The following ATRNL1 variants were observed in gnomAD, a reference collection of about 807,000 sequenced individuals.
The protein encoded by ATRNL1 is attractin like 1, also known as attractin-like protein 1.
ATRNL1 carries 95 observed loss-of-function variants against 182.7 expected under a neutral mutation model. That is an observed-to-expected ratio of 0.52 (90% confidence interval 0.44 to 0.62). The LOEUF (loss-of-function observed/expected upper bound fraction) is 0.62, where lower values mean the gene tolerates loss of function less well. Ranked by LOEUF, ATRNL1 falls within the 20% of genes least tolerant of loss-of-function variation. The pLI is 0.00. For missense variants in ATRNL1, 1,471 were observed against 1,679.5 expected (o/e 0.88, Z 2.17); for synonymous variants, 576 against 568.3 (o/e 1.01, Z -0.19).
At chr10:115,319,385 T>G (rs782041109) in intron 18 of ATRNL1, among the ~76,000 whole-genome samples, 2 of 152,246 alleles carry the variant, frequency 1.3e-5, no homozygotes, top group Non-Finnish European at 2.9e-5. Context: ...TGGAGAGTTT[T>G]GTAGAAGTCT....
chr10:115,669,093 T>G (rs2133923419), intron 26 of ATRNL1, among the ~76,000 whole-genome samples: 1 of 152,270 alleles, frequency 6.6e-6, no homozygotes. Context: ...CACATTGTTT[T>G]CTTTTATAAT....
At chr10:115,357,245 C>T (rs1179169324) in intron 19 of ATRNL1, among the ~76,000 whole-genome samples, 1 of 151,858 alleles carries the variant, frequency 6.6e-6, no homozygotes, top group Non-Finnish European at 1.5e-5. Flanking sequence ...CATAGTTCTA[C>T]TTATATTCTA....
intron 6 of ATRNL1, among the ~76,000 whole-genome samples, chr10:115,160,655 A>G (rs920493723): frequency 2.6e-5 from 4 of 151,934 alleles, no homozygotes; most frequent in Non-Finnish European, 5.9e-5. Context: ...CAGTTCTAGT[A>G]TTATGAGAGA....
intron 28 of ATRNL1, chr10:115,909,308 G>A: frequency 6.6e-6 from 1 of 152,106 alleles, no homozygotes; most frequent in East Asian, 1.9e-4. Context: ...TTTCTTTATA[G>A]ATTAAATGCA....
At chr10:115,807,341 C>A (rs1001198679) in intron 27 of ATRNL1, among the ~76,000 whole-genome samples, 4 of 152,152 alleles carry the variant, frequency 2.6e-5, no homozygotes, top group African/African-American at 7.2e-5. Flanking sequence ...TTCTCAAACT[C>A]CTGGCCTCAA....
chr10:115,934,694 G>A (rs1953503756), intron 28 of ATRNL1, among the ~76,000 whole-genome samples: 1 of 151,984 alleles, frequency 6.6e-6, no homozygotes, highest in Admixed American at 6.5e-5. Flanking sequence ...ACTCCAGTCT[G>A]TCCTCCATGC....
intron 28 of ATRNL1, among the ~76,000 whole-genome samples, chr10:115,858,849 A>G (rs1404825361): frequency 6.6e-6 from 1 of 152,084 alleles, no homozygotes; most frequent in African/African-American, 2.4e-5. Context: ...GTTTGGGAGA[A>G]TTTAACAGAA....
Position 115,429,623 on chromosome 10 carries a change from AC to A in ATRNL1, c.3322+3323del, listed in dbSNP as rs1346981090. 1.6e-4 allele frequency among the ~76,000 whole-genome samples: 24 copies of A among 152,190 alleles called. 1 individual carries two copies. Among genetic ancestry groups the A allele is most frequent in the Non-Finnish European group, 3.4e-4 (23 of 68,040 alleles). Reference sequence around the variant, plus strand: ...TAAACATCTTTTCATTCTGGGCTAAACCATACTTAGTCATGGCATATTAGTA... The same window carrying A: ...TAAACATCTTTTCATTCTGGGCTAAACATACTTAGTCATGGCATATTAGTA... On this transcript the variant is annotated intron_variant, in intron 21 of 28. Transcript: ENST00000355044.
intron 5 of ATRNL1, among the ~76,000 whole-genome samples, chr10:115,159,653 T>C (rs1554882776): frequency 6.6e-6 from 1 of 151,676 alleles, no homozygotes; most frequent in East Asian, 1.9e-4. Flanking sequence ...GATTATTATA[T>C]CCATTTGTGT....
In ATRNL1 at chr10:115,160,203, A is replaced by G. The variant is rs782760681; in HGVS notation, c.993A>G (p.Gln331=). ...ATACTTTTAACTACAGTTCTTTTCAAATGGTCCTAAAGTAAGTATTTATTT... is the reference window on the plus strand; with the variant it reads ...ATACTTTTAACTACAGTTCTTTTCAGATGGTCCTAAAGTAAGTATTTATTT... ...GGYTFNYSSF[Q]MVLNYNLESS... is the part of the protein sequence containing the mutation. The change falls in exon 6 of 29, where the codon CAA becomes CAG. Residue 331 remains glutamine (Q), a synonymous_variant. Transcript: ENST00000355044. The G allele has an allele frequency of 5.6e-6, 9 of 1,610,488 alleles. No homozygotes were observed. The Admixed American group carries it at 6.7e-5, about 12-fold the overall frequency.
chr10:115,776,745 C>G, intron 27 of ATRNL1, among the ~76,000 whole-genome samples: 1 of 152,156 alleles, frequency 6.6e-6, no homozygotes, highest in East Asian at 1.9e-4. Flanking sequence ...AATGTGTTAT[C>G]TTGGCAAAGA....
intron 26 of ATRNL1, among the ~76,000 whole-genome samples, chr10:115,668,313 T>G (rs1156443477): frequency 2.0e-5 from 3 of 152,174 alleles, no homozygotes; most frequent in African/African-American, 7.2e-5. Context: ...ATTATTTTCC[T>G]GCTTGATCCT....
chr10:115,673,574 A>G (rs1184533589), intron 26 of ATRNL1, among the ~76,000 whole-genome samples: 1 of 152,124 alleles, frequency 6.6e-6, no homozygotes, highest in Non-Finnish European at 1.5e-5. Flanking sequence ...AGCCAAGTAC[A>G]GTAATGTTAA....
chr10:115,642,270 A>G (rs965206839), intron 26 of ATRNL1, among the ~76,000 whole-genome samples: 2 of 152,206 alleles, frequency 1.3e-5, no homozygotes, highest in Admixed American at 6.5e-5. Flanking sequence ...GGAAACACTT[A>G]CATATGAATT....
At chr10:115,153,241 T>C (rs571499831) in intron 5 of ATRNL1, among the ~76,000 whole-genome samples, 1 of 152,326 alleles carries the variant, frequency 6.6e-6, no homozygotes, top group African/African-American at 2.4e-5. Flanking sequence ...TAAAATGAGT[T>C]AGGGAGGATT....
intron 27 of ATRNL1, among the ~76,000 whole-genome samples, chr10:115,833,771 C>T (rs1445159444): frequency 6.6e-6 from 1 of 152,116 alleles, no homozygotes; most frequent in Non-Finnish European, 1.5e-5. Context: ...AATAATGTAC[C>T]AGAGCCCACA....
chr10:115,188,923 G>A (rs1366506055), intron 8 of ATRNL1, among the ~76,000 whole-genome samples: 1 of 152,104 alleles, frequency 6.6e-6, no homozygotes, highest in Non-Finnish European at 1.5e-5. Flanking sequence ...ATTTTATTAT[G>A]TGTTGCAATT....
intron 19 of ATRNL1, among the ~76,000 whole-genome samples, chr10:115,365,392 C>T (rs1856980029): frequency 6.6e-6 from 1 of 150,864 alleles, no homozygotes; most frequent in African/African-American, 2.4e-5. Context: ...TTTATTGTGT[C>T]TATTTGATTC....
intron 27 of ATRNL1, among the ~76,000 whole-genome samples, chr10:115,751,443 A>T (rs1948446204): frequency 6.6e-6 from 1 of 152,098 alleles, no homozygotes; most frequent in Non-Finnish European, 1.5e-5. Flanking sequence ...TCTTAAGAGG[A>T]AGGTTGTGAG....
Sources: allele counts gnomAD v4.1 joint callset (sites outside exome capture counted in the v4.1 genomes callset), GRCh38; gene constraint gnomAD v4.1.1; transcripts MANE v1.5; gene names NCBI Gene and HGNC (gene_info 2026-07-23, HGNC 2026-07-21).